Variants in RNF213 observed in about 807,000 individuals in gnomAD.
RNF213 encodes ring finger protein 213.
Under a neutral mutation model 514.4 loss-of-function variants are expected in RNF213, and 341 were observed. The ratio of observed to expected loss-of-function variants is 0.66; its 90% confidence interval spans 0.61 to 0.73. The LOEUF is 0.73. Ranked by LOEUF, RNF213 falls within the 30% of genes least tolerant of loss-of-function variation. RNF213 has a pLI of 0.00. For missense variants in RNF213, 5,767 were observed against 6,615.6 expected, an observed-to-expected ratio of 0.87 and a Z score of 4.45; for synonymous variants, 2,655 against 2,658.2, an observed-to-expected ratio of 1.00 and a Z score of 0.04.
In RNF213 at chr17:80,263,848, G is replaced by A; in HGVS notation, c.97+70G>A. Reference sequence around the variant, plus strand: ...CTGGAGATGTCTCACCTCCCTTCCAGGAAATGGAAACCCTGGGCAGCAGGC... The same window carrying A: ...CTGGAGATGTCTCACCTCCCTTCCAAGAAATGGAAACCCTGGGCAGCAGGC... On this transcript the variant is annotated intron_variant, in intron 2 of 67. Transcript: ENST00000582970. The surrounding 1 kb of genome is among the most constrained non-coding windows in gnomAD (Gnocchi z 4.9). The A allele has an allele frequency of 7.4e-7, 1 of 1,344,194 alleles. No individual in the cohort carries two copies. Among genetic ancestry groups the A allele is most frequent in the Non-Finnish European group, 1.1e-6 (1 of 936,976 alleles). The allele number at this position is 1,344,194 out of a possible 1,614,324, so 83.3% of individuals were successfully genotyped here.
In RNF213 at chr17:80,352,963, G is replaced by A. The variant is rs780582234; in HGVS notation, c.10327G>A (p.Asp3443Asn). 2.5e-6 allele frequency: 4 copies of A among 1,613,802 alleles called. No homozygotes were observed. Among genetic ancestry groups the A allele is most frequent in the African/African-American group, 1.3e-5 (1 of 74,876 alleles). ...HGGLWQSVHI[D>N]DLRRSTLMVS... is the part of the protein sequence containing the mutation. ...AGGGCTGTGGCAGTCTGTCCACATC[G>A]ATGACCTCCGGAGATCCACCCTCAT... is the stretch of plus-strand genomic sequence containing the variant. Residue 3443 changes from aspartate (D) to asparagine (N), a missense_variant, in exon 33 of 68, where the codon GAT becomes AAT. Physicochemically the swap from Asp to Asn is conservative, Grantham distance 23 (BLOSUM62 1). Coordinates refer to ENST00000582970, the MANE Select transcript of RNF213 (RefSeq NM_001256071.3).
chr17:80,307,962 A>T (rs2045430943), intron 13 of RNF213, among the ~76,000 whole-genome samples: 1 of 151,804 alleles, frequency 6.6e-6, no homozygotes, highest in Admixed American at 6.6e-5. Context: ...CTTACTTGTA[A>T]ATAGTCATGA....
chr17:80,367,003 T>A (rs1461234832), intron 42 of RNF213, among the ~76,000 whole-genome samples: 2 of 152,248 alleles, frequency 1.3e-5, no homozygotes, highest in African/African-American at 2.4e-5. Context: ...CTCAGACATA[T>A]GCAAGAATGT....
chr17:80,346,846 C>T lies in RNF213; in HGVS notation c.8511C>T (p.Tyr2837=), dbSNP rs151153227. The T allele has an allele frequency of 1.9e-5, 31 of 1,614,022 alleles. No homozygotes were observed. Among genetic ancestry groups the T allele is most frequent in the African/African-American group, 1.7e-4 (13 of 74,922 alleles). Residue 2837 remains tyrosine (Y), a synonymous_variant, in exon 29 of 68, where the codon TAC becomes TAT. Transcript: ENST00000582970. The surrounding 1 kb of genome is among the most constrained non-coding windows in gnomAD (Gnocchi z 8.1). ...AGCAGGGGAAGGACCTGCAGCAGTA[C>T]GTCTCTGTGGTGGTGTTAGATGAGG... ...RFQQGKDLQQ[Y]VSVVVLDEVG...
chr17:80,306,570 G>A, intron 12 of RNF213, 102 bp downstream of exon 12: 1 of 1,243,940 alleles, frequency 8.0e-7, no homozygotes, highest in Non-Finnish European at 1.1e-6. Flanking sequence ...AACAGACAGT[G>A]GGCTGGGTGC....
At position 80,317,286 on chromosome 17, in the gene RNF213, A is replaced by C; in HGVS notation, c.2901+9A>C. On this transcript the variant is annotated intron_variant, in intron 16 of 67. Transcript: ENST00000582970. The surrounding 1 kb of genome is among the most constrained non-coding windows in gnomAD (Gnocchi z 4.1). ...AATGGAGGCTCACAAAGGTACCAAA[A>C]GTTTGGGGGCAGTCTTTTCAGGGCG... 6.2e-7 allele frequency: 1 copy of C among 1,611,306 alleles called. No homozygotes were observed. Among genetic ancestry groups the C allele is most frequent in the Non-Finnish European group, 8.5e-7 (1 of 1,179,326 alleles).
intron 2 of RNF213, 133 bp from the exon 3 acceptor site, chr17:80,273,108 G>A (rs2145146388): frequency 8.3e-7 from 1 of 1,205,574 alleles, no homozygotes; most frequent in Non-Finnish European, 1.2e-6. Context: ...GCTCATGTTA[G>A]CAGGCCCAAT....
rs1341408931 is a variant in RNF213 at position 80,288,918 on chromosome 17, C to T, written c.933+163C>T. ...GCTCACATTCCAGCGGAGAGAGAGT[C>T]AGGAAACCGACTTCAGCGGTGAGAA... On this transcript the variant is annotated intron_variant, in intron 5 of 67. Coordinates refer to ENST00000582970, the MANE Select transcript of RNF213 (RefSeq NM_001256071.3). This position sits in a 1 kb window ranked among gnomAD's most constrained non-coding sequence, Gnocchi z 4.9. Among the ~76,000 whole-genome samples, 1 of 152,194 alleles carries T rather than the reference C, an allele frequency of 6.6e-6. No homozygotes were observed. The highest frequency in any genetic ancestry group is 1.9e-4 in the East Asian group (1 of 5,194).
In RNF213 at chr17:80,294,922, G is replaced by A; in HGVS notation, c.1674G>A (p.Gln558=). The A allele has an allele frequency of 6.2e-7, 1 of 1,614,204 alleles. No individual in the cohort carries two copies. The highest frequency in any genetic ancestry group is 1.7e-5 in the Admixed American group (1 of 60,020). ...ACAGCTTCTTCACCCAGTTCGAGCAGTTTTGCTTTGTCCTGCAACAGCCTA... is the reference window on the plus strand; with the variant it reads ...ACAGCTTCTTCACCCAGTTCGAGCAATTTTGCTTTGTCCTGCAACAGCCTA... ...NLNSFFTQFE[Q]FCFVLQQPMI... The change falls in exon 9 of 68, where the codon CAG becomes CAA. Residue 558 remains glutamine (Q), a synonymous_variant. Transcript: ENST00000582970.
chr17:80,394,605 G>A lies in RNF213; in HGVS notation c.*1107G>A, dbSNP rs1381248060. 6.6e-6 allele frequency: 1 copy of A among 152,202 alleles called. No homozygotes were observed. Among genetic ancestry groups the A allele is most frequent in the African/African-American group, 2.4e-5 (1 of 41,446 alleles). 9.4% of individuals were successfully genotyped at this position (152,202 alleles called of 1,614,324 possible). A position where few individuals can be genotyped will look rare whatever the true frequency, so the allele number is the denominator to read the frequency against. On this transcript the variant is annotated 3_prime_UTR_variant, in exon 68 of 68. Coordinates refer to ENST00000582970, the MANE Select transcript of RNF213 (RefSeq NM_001256071.3). The stretch of plus-strand genomic sequence containing the variant: ...TCAGCACAGCTATTGATATGTTAGA[G>A]GCAGTATCCTTAATATTCATTCTAA...
Position 80,377,941 on chromosome 17 carries a change from G to A in RNF213, c.13545+145G>A. 1.1e-6 allele frequency: 1 copy of A among 928,454 alleles called. No homozygotes were observed. The highest frequency in any genetic ancestry group is 1.8e-6 in the Non-Finnish European group (1 of 564,622). 57.5% of individuals were successfully genotyped at this position (928,454 alleles called of 1,614,324 possible). On this transcript the variant is annotated intron_variant, in intron 54 of 67. Transcript: ENST00000582970. This position sits in a 1 kb window ranked among gnomAD's most constrained non-coding sequence, Gnocchi z 4.1. ...AGGACTGCCCAGGGTGCTCTGAGCA[G>A]GGCAATGCCAATGGCGCTAAGGGTT...
chr17:80,293,986 C>G (rs894545423), intron 8 of RNF213, among the ~76,000 whole-genome samples: 1 of 152,138 alleles, frequency 6.6e-6, no homozygotes, highest in African/African-American at 2.4e-5. Context: ...AACTGTGGGT[C>G]GAAAGCATGG....
In RNF213 at chr17:80,376,356, A is replaced by G. The variant is rs61732734; in HGVS notation, c.13241A>G (p.Asp4414Gly). The G allele has an allele frequency of 1.7e-5, 27 of 1,614,232 alleles. No homozygotes were observed. The African/African-American group carries it at 3.1e-4, about 18-fold the overall frequency. The change falls in exon 52 of 68, where the codon GAT becomes GGT. Residue 4414 changes from aspartate to glycine, a missense_variant. By Grantham distance (94) the Asp-to-Gly change is moderately conservative. Transcript: ENST00000582970. ...IGECKILSPP[D>G]ISRFATSLVD... ...GAATGCAAGATCCTTTCACCTCCTGATATCAGCCGTTTTGCAACATCGCTC... is the reference window on the plus strand; with the variant it reads ...GAATGCAAGATCCTTTCACCTCCTGGTATCAGCCGTTTTGCAACATCGCTC...
intron 2 of RNF213, among the ~76,000 whole-genome samples, chr17:80,269,877 A>G (rs904193813): frequency 6.6e-6 from 1 of 152,254 alleles, no homozygotes; most frequent in African/African-American, 2.4e-5. Flanking sequence ...ATGAGTTAAC[A>G]TGTACATTGT....
At chr17:80,330,793 T>G (rs1393957604) in intron 20 of RNF213, among the ~76,000 whole-genome samples, 3 of 152,152 alleles carry the variant, frequency 2.0e-5, no homozygotes, top group Non-Finnish European at 4.4e-5. Flanking sequence ...GTCAGGGCAT[T>G]GGGGTGACAG....
chr17:80,374,505 C>G lies in RNF213; in HGVS notation c.12990C>G (p.Tyr4330Ter), dbSNP rs751848030. 1 of 1,614,132 alleles carries G rather than the reference C, an allele frequency of 6.2e-7. No individual in the cohort carries two copies. Among genetic ancestry groups the G allele is most frequent in the South Asian group, 1.1e-5 (1 of 91,070 alleles). ...GCCAGATGGATAGGTACCTGGTGTA[C>G]GGCGATGAATACAAGGCTCTCCGTG... ...HPGQMDRYLV[Y>*]GDEYKALRDA... The change falls in exon 50 of 68, where the codon TAC (tyrosine) becomes TAG (stop). Residue 4330 changes from tyrosine to a stop codon, truncating the protein, a stop_gained. Transcript: ENST00000582970. LOFTEE classifies it high-confidence loss of function.
At chr17:80,308,920 G>T in intron 13 of RNF213, 98 bp from the exon 14 acceptor site, 1 of 1,422,110 alleles carries the variant, frequency 7.0e-7, no homozygotes, top group South Asian at 1.2e-5. Flanking sequence ...TGCCCTGTTG[G>T]TAGTTATTTT....
chr17:80,313,252 G>A (rs1033450364), intron 15 of RNF213, 85 bp downstream of exon 15: 31 of 1,557,670 alleles, frequency 2.0e-5, no homozygotes, highest in Non-Finnish European at 2.5e-5. Context: ...ACAGGCTGCT[G>A]GCCAGGGGCA....
chr17:80,261,029 C>G (rs1287296701), intron 1 of RNF213, 127 bp downstream of exon 1: 1 of 151,762 alleles, frequency 6.6e-6, no homozygotes, highest in African/African-American at 2.4e-5. Flanking sequence ...GCCGCCTCTT[C>G]CTGCCGGCTC....
Sources: allele counts gnomAD v4.1 joint callset (sites outside exome capture counted in the v4.1 genomes callset), GRCh38; gene constraint gnomAD v4.1.1; non-coding constraint Gnocchi (gnomAD v3.1); transcripts MANE v1.5; gene names NCBI Gene and HGNC (gene_info 2026-07-23, HGNC 2026-07-21).